C1orf50: variants seen among roughly 807,000 people sequenced by gnomAD.
The protein encoded by C1orf50 is uncharacterized protein C1orf50.
Under a neutral mutation model 23.3 loss-of-function variants are expected in C1orf50, and 22 were observed. The observed-to-expected ratio is 0.94, with a 90% CI of 0.67 to 1.35. The LOEUF (loss-of-function observed/expected upper bound fraction) is 1.35. C1orf50 is among the 40% of genes most tolerant of loss of function. The probability of loss-of-function intolerance (pLI) is 0.00; values close to 1 mark genes in which losing one functional copy is unlikely to be tolerated. For synonymous variants in C1orf50, 96 were observed against 102.4 expected (o/e 0.94, Z 0.38); for missense variants, 271 against 249.4 (o/e 1.09, Z -0.58).
At position 42,767,323 on chromosome 1, in the gene C1orf50, C is replaced by T. The variant is rs1158792874; in HGVS notation, c.12C>T (p.Ala4=). 4.0e-6 allele frequency: 6 copies of T among 1,517,182 alleles called. No individual in the cohort carries two copies. The highest frequency in any genetic ancestry group is 2.5e-5 in the Admixed American group (1 of 39,488). 94.0% of individuals were successfully genotyped at this position (1,517,182 alleles called of 1,614,324 possible). A position where few individuals can be genotyped will look rare whatever the true frequency, so the allele number is the denominator to read the frequency against. The change falls in exon 1 of 5, where the codon GCC becomes GCT. Residue 4 remains alanine, a synonymous_variant. Coordinates refer to ENST00000372525, the MANE Select transcript of C1orf50 (RefSeq NM_024097.4). MED[A]AAPGRTEGVL... ...GATAAGGCGCTGTCATGGAGGACGC[C>T]GCCGCGCCGGGGCGGACCGAGGGGG...
chr1:42,770,279 T>G, intron 2 of C1orf50, among the ~76,000 whole-genome samples: 1 of 152,194 alleles, frequency 6.6e-6, no homozygotes. Flanking sequence ...ATATTAACTC[T>G]TCAAAATATA....
intron 2 of C1orf50, among the ~76,000 whole-genome samples, chr1:42,773,028 C>T (rs965621138): frequency 5.3e-5 from 8 of 152,094 alleles, no homozygotes; most frequent in Admixed American, 5.2e-4. Flanking sequence ...CAGAAAAACC[C>T]GAATACTTTC....
chr1:42,774,528 T>TA (rs1557585596), intron 3 of C1orf50, among the ~76,000 whole-genome samples: 1 of 152,212 alleles, frequency 6.6e-6, no homozygotes, highest in Non-Finnish European at 1.5e-5. Flanking sequence ...TGGCTTGAAA[T>TA]ATAATTTTTC....
intron 2 of C1orf50, 88 bp downstream of exon 2, chr1:42,767,712 G>T: frequency 8.5e-7 from 1 of 1,180,736 alleles, no homozygotes; most frequent in Non-Finnish European, 1.2e-6. Context: ...TACCACCTAT[G>T]GTGGGGGTGG....
At chr1:42,769,088 AC>A (rs937420769) in intron 2 of C1orf50, among the ~76,000 whole-genome samples, 5 of 151,420 alleles carry the variant, frequency 3.3e-5, no homozygotes, top group African/African-American at 1.2e-4. Flanking sequence ...ACATGGTGAA[AC>A]CCCGTCTCTA....
intron 3 of C1orf50, 42 bp downstream of exon 3, chr1:42,773,691 A>G: frequency 2.2e-6 from 3 of 1,367,030 alleles, no homozygotes; most frequent in Non-Finnish European, 3.1e-6. Context: ...TTCTTTATTT[A>G]GTTCTCAGGA....
At chr1:42,771,910 G>A (rs141366381) in intron 2 of C1orf50, among the ~76,000 whole-genome samples, 1,585 of 151,656 alleles carry the variant, frequency 0.01, 29 homozygotes, top group African/African-American at 0.037. Flanking sequence ...CCCGGGAGGC[G>A]GAGGTTGCAG....
intron 2 of C1orf50, among the ~76,000 whole-genome samples, chr1:42,770,663 C>T (rs574472681): frequency 6.6e-6 from 1 of 152,298 alleles, no homozygotes. Context: ...AACGCCCGAC[C>T]TCAGGTGATC....
chr1:42,773,390 C>T (rs2124190860), intron 2 of C1orf50, 173 bp from the exon 3 acceptor site: 1 of 500,204 alleles, frequency 2.0e-6, no homozygotes, highest in South Asian at 2.1e-5. Context: ...CTTCTCATGA[C>T]AGTGCTATCT....
chr1:42,773,662 T>G lies in C1orf50; in HGVS notation c.282+13T>G. On this transcript the variant is annotated intron_variant, in intron 3 of 4. Transcript: ENST00000372525. ...ACAAGCCAGGAAGGTAAGGAATGAC[T>G]GTTAGACAGGCTTTCATTTTCTTTA... 6.4e-7 allele frequency: 1 copy of G among 1,565,672 alleles called. No homozygotes were observed. The highest frequency in any genetic ancestry group is 8.8e-7 in the Non-Finnish European group (1 of 1,138,224).
rs1653264540 is a variant in C1orf50, at chr1:42,773,403, G to A, written c.196-160G>A. On this transcript the variant is annotated intron_variant, in intron 2 of 4. Transcript: ENST00000372525. ...GCCTTCTCATGACAGTGCTATCTGA[G>A]TGGGGCCTCGGATGAGTGGGAGGCT... The A allele has an allele frequency of 1.2e-5, 6 of 521,654 alleles. No individual in the cohort carries two copies. In the East Asian group the frequency reaches 1.7e-4, roughly 15 times the overall value. 32.3% of individuals were successfully genotyped at this position (521,654 alleles called of 1,614,324 possible). A position where few individuals can be genotyped will look rare whatever the true frequency, so the allele number is the denominator to read the frequency against.
intron 2 of C1orf50, 151 bp downstream of exon 2, chr1:42,767,775 G>A: frequency 1.4e-6 from 1 of 713,814 alleles, no homozygotes; most frequent in Non-Finnish European, 2.3e-6. Flanking sequence ...GTCATTGTGA[G>A]TCGGTGGCCT....
At chr1:42,773,757 A>C (rs1653273156) in intron 3 of C1orf50, 108 bp downstream of exon 3, 1 of 663,238 alleles carries the variant, frequency 1.5e-6, no homozygotes, top group South Asian at 1.8e-5. Context: ...TACCTCCTAG[A>C]AATGTAGAGG....
In C1orf50 at chr1:42,767,638, G is replaced by A; in HGVS notation, c.195+14G>A. ...CAGGTGCAGAAGGTGAGGAGGCGCG[G>A]CCGGGGCAGCGAATAACCATCTTCG... On this transcript the variant is annotated intron_variant, in intron 2 of 4. Transcript: ENST00000372525. 1 of 1,597,182 alleles carries A rather than the reference G, an allele frequency of 6.3e-7. No homozygotes were observed. The highest frequency in any genetic ancestry group is 8.5e-7 in the Non-Finnish European group (1 of 1,170,324).
rs1014249230 is a variant in C1orf50, at chr1:42,774,880, C to A, written c.414+12C>A. 6.3e-7 allele frequency: 1 copy of A among 1,598,484 alleles called. No homozygotes were observed. The highest frequency in any genetic ancestry group is 8.5e-7 in the Non-Finnish European group (1 of 1,170,434). On this transcript the variant is annotated intron_variant, in intron 4 of 4. Transcript: ENST00000372525. ...TCATTTCTCCAAAGGTAAGAACATA[C>A]ATTGTTTGCCCAAAAATCTACTCCA...
Position 42,775,465 on chromosome 1 carries a change from G to T in C1orf50, c.*71G>T. The T allele has an allele frequency of 1.5e-6, 2 of 1,378,476 alleles. No individual in the cohort carries two copies. Among genetic ancestry groups the T allele is most frequent in the Admixed American group, 2.1e-5 (1 of 48,756 alleles). 85.4% of individuals were successfully genotyped at this position (1,378,476 alleles called of 1,614,324 possible). ...TCCTTGTTGCCCCCACTGTTGCCTT[G>T]AGAATTGAAGACATGTAGGTGACTC... On this transcript the variant is annotated 3_prime_UTR_variant, in exon 5 of 5. Coordinates refer to ENST00000372525, the MANE Select transcript of C1orf50 (RefSeq NM_024097.4).
rs1318075533 is a variant in C1orf50 at position 42,775,729 on chromosome 1, GA to G, written c.*336del. 1 of 151,896 alleles carries G rather than the reference GA, an allele frequency of 6.6e-6. No homozygotes were observed. Among genetic ancestry groups the G allele is most frequent in the Non-Finnish European group, 1.4e-5 (1 of 71,434 alleles). The allele number at this position is 151,896 out of a possible 1,614,324, so 9.4% of individuals were successfully genotyped here. ...CCTTCTTCCCATAAAAAGGTTGGTGGATCGTTTTCCAGAGAGAACTGTTTTC... is the reference window on the plus strand; with the variant it reads ...CCTTCTTCCCATAAAAAGGTTGGTGGTCGTTTTCCAGAGAGAACTGTTTTC... On this transcript the variant is annotated 3_prime_UTR_variant, in exon 5 of 5. Coordinates refer to ENST00000372525, the MANE Select transcript of C1orf50 (RefSeq NM_024097.4).
In C1orf50 at chr1:42,767,577, G is replaced by GC. The variant is rs755440461; in HGVS notation, c.150dup (p.Gly51ArgfsTer17). The stretch of plus-strand genomic sequence containing the variant: ...GGTGAGCCCCTACCACACCCACCGG[G>GC]CCGGGGACCCCTTAGACCTCGTGGC... On this transcript the variant is annotated frameshift_variant, in exon 2 of 5. Coordinates refer to ENST00000372525, the MANE Select transcript of C1orf50 (RefSeq NM_024097.4). LOFTEE classifies it high-confidence loss of function. 6.2e-7 allele frequency: 1 copy of GC among 1,611,820 alleles called. No individual in the cohort carries two copies. The highest frequency in any genetic ancestry group is 1.3e-5 in the African/African-American group (1 of 75,052).
chr1:42,775,494 A>T lies in C1orf50; in HGVS notation c.*100A>T, dbSNP rs957148167. The T allele has an allele frequency of 4.6e-6, 5 of 1,075,818 alleles. No individual in the cohort carries two copies. Among genetic ancestry groups the T allele is most frequent in the Non-Finnish European group, 6.5e-6 (5 of 765,608 alleles). The allele number at this position is 1,075,818 out of a possible 1,614,324, so 66.6% of individuals were successfully genotyped here. A position where few individuals can be genotyped will look rare whatever the true frequency, so the allele number is the denominator to read the frequency against. ...ATTGAAGACATGTAGGTGACTCACA[A>T]ACTTCTTGGAAAGAGACCCTGTGTG... On this transcript the variant is annotated 3_prime_UTR_variant, in exon 5 of 5. Coordinates refer to ENST00000372525, the MANE Select transcript of C1orf50 (RefSeq NM_024097.4).
Sources: allele counts gnomAD v4.1 joint callset (sites outside exome capture counted in the v4.1 genomes callset), GRCh38; gene constraint gnomAD v4.1.1; transcripts MANE v1.5; gene names NCBI Gene and HGNC (gene_info 2026-07-23, HGNC 2026-07-21).